The following NWD2 variants were observed in gnomAD, a reference collection of about 807,000 sequenced individuals.
The protein encoded by NWD2 is NACHT and WD repeat domain containing 2.
NWD2 carries 37 observed loss-of-function variants against 132.7 expected under a neutral mutation model. The observed-to-expected ratio is 0.28, with a 90% CI of 0.21 to 0.37. The LOEUF is 0.37. Among genes scored for constraint, NWD2 ranks in the 10% least tolerant of loss-of-function variants. The pLI is 1.00. For synonymous variants in NWD2, 705 were observed against 803.0 expected, an observed-to-expected ratio of 0.88 and a Z score of 2.06; for missense variants, 1,592 against 2,122.4, an observed-to-expected ratio of 0.75 and a Z score of 4.91.
chr4:37,392,910 A>G (rs1045868296), intron 3 of NWD2, among the ~76,000 whole-genome samples: 14 of 152,226 alleles, frequency 9.2e-5, no homozygotes, highest in African/African-American at 2.9e-4. Flanking sequence ...TCCAAGGACC[A>G]TGGCAGTCTC....
At chr4:37,338,205 A>G (rs925912315) in intron 2 of NWD2, among the ~76,000 whole-genome samples, 11 of 152,226 alleles carry the variant, frequency 7.2e-5, no homozygotes, top group African/African-American at 2.7e-4. Flanking sequence ...CACATTTTTT[A>G]AATGTCAGAG....
intron 1 of NWD2, among the ~76,000 whole-genome samples, chr4:37,319,110 T>A (rs139602984): frequency 2.0e-4 from 30 of 152,338 alleles, no homozygotes; most frequent in Middle Eastern, 3.4e-3. Flanking sequence ...TAGGTAAGCA[T>A]TCTCTTTTCA....
chr4:37,358,333 G>A (rs1019822959), intron 3 of NWD2, among the ~76,000 whole-genome samples: 3 of 151,868 alleles, frequency 2.0e-5, no homozygotes, highest in African/African-American at 7.3e-5. Context: ...TAAGCCAAAT[G>A]AGAAAAATAC....
intron 1 of NWD2, among the ~76,000 whole-genome samples, chr4:37,280,227 AC>A (rs1420149349): frequency 6.6e-6 from 1 of 152,202 alleles, no homozygotes; most frequent in Non-Finnish European, 1.5e-5. Flanking sequence ...AAACCAAAAC[AC>A]TTCTAATATT....
rs145017736 is a variant in NWD2, at chr4:37,304,549, A to T, written c.152-21387A>T. 9.4e-4 allele frequency among the ~76,000 whole-genome samples: 139 copies of T among 147,096 alleles called. 2 individuals carry two copies. The East Asian group carries it at 0.023, about 24-fold the overall frequency. On this transcript the variant is annotated intron_variant, in intron 1 of 6. Coordinates refer to ENST00000309447, the MANE Select transcript of NWD2 (RefSeq NM_001144990.2). Reference sequence around the variant, plus strand: ...AAAAAACAAGTTAGTCACTTCTGGGATACAGTGGGGGTACAGGCATTGGGT... The same window carrying T: ...AAAAAACAAGTTAGTCACTTCTGGGTTACAGTGGGGGTACAGGCATTGGGT...
intron 1 of NWD2, among the ~76,000 whole-genome samples, chr4:37,278,607 T>C (rs1220209264): frequency 1.3e-5 from 2 of 152,210 alleles, no homozygotes; most frequent in African/African-American, 4.8e-5. Flanking sequence ...AAAGCAGTAC[T>C]TGAATCAATC....
At chr4:37,276,491 G>A (rs1718015865) in intron 1 of NWD2, among the ~76,000 whole-genome samples, 1 of 152,196 alleles carries the variant, frequency 6.6e-6, no homozygotes, top group African/African-American at 2.4e-5. Context: ...TACACTGTTG[G>A]TGGGAACATA....
chr4:37,387,749 A>G (rs1577686835), intron 3 of NWD2, among the ~76,000 whole-genome samples: 1 of 134,622 alleles, frequency 7.4e-6, no homozygotes, highest in Non-Finnish European at 1.5e-5. Flanking sequence ...ATCTTGGCTC[A>G]CTGCAACCTC....
At position 37,446,850 on chromosome 4, in the gene NWD2, T is replaced by C. The variant is rs1257989135; in HGVS notation, c.4862T>C (p.Phe1621Ser). 3 of 1,551,656 alleles carry C rather than the reference T, an allele frequency of 1.9e-6. No individual in the cohort carries two copies. Among genetic ancestry groups the C allele is most frequent in the Non-Finnish European group, 2.6e-6 (3 of 1,147,028 alleles). Residue 1621 changes from phenylalanine to serine, a missense_variant, in exon 7 of 7, where the codon TTC (phenylalanine) becomes TCC (serine). By Grantham distance (155) the Phe-to-Ser change is radical. This residue lies in a region of NWD2 where 257 missense variants were observed against 335.0 expected (regional missense o/e 0.77). Coordinates refer to ENST00000309447, the MANE Select transcript of NWD2 (RefSeq NM_001144990.2). This position sits in a 1 kb window ranked among gnomAD's most constrained non-coding sequence, Gnocchi z 6.7. ...TGTTCCCTTTACAAAACACCAACTT[T>C]CCTTGCACTCTCCCAGAGGCACCTG... The part of the protein sequence containing the change: ...GACSLYKTPT[F>S]LALSQRHLNI...
At chr4:37,315,616 G>T (rs964968879) in intron 1 of NWD2, among the ~76,000 whole-genome samples, 18 of 151,884 alleles carry the variant, frequency 1.2e-4, no homozygotes, top group Non-Finnish European at 1.0e-4. Context: ...TATTTAGTTG[G>T]ATATTGTTTT....
chr4:37,306,888 G>T (rs941069218), intron 1 of NWD2, among the ~76,000 whole-genome samples: 2 of 152,090 alleles, frequency 1.3e-5, no homozygotes, highest in Non-Finnish European at 2.9e-5. Flanking sequence ...GCCAGGCGTG[G>T]TGGCACACGC....
rs530039422 is a variant in NWD2 at position 37,311,600 on chromosome 4, T to G, written c.152-14336T>G. Among the ~76,000 whole-genome samples, 46 of 149,022 alleles carry G rather than the reference T, an allele frequency of 3.1e-4. 1 individual carries two copies. The South Asian group carries it at 9.3e-3, about 30-fold the overall frequency. On this transcript the variant is annotated intron_variant, in intron 1 of 6. Transcript: ENST00000309447. ...TTTGTAGGTTGCCTGTTCACTCTGA[T>G]GGTAGTTTCTTTTGCTGTGCAGAAG...
intron 1 of NWD2, among the ~76,000 whole-genome samples, chr4:37,318,020 CTTTT>C (rs71185128): frequency 8.8e-6 from 1 of 113,362 alleles, no homozygotes; most frequent in Admixed American, 8.8e-5. Context: ...TTTTTTCTTT[CTTTT>C]TTTTTTTTTT....
chr4:37,320,033 G>A (rs1017919549), intron 1 of NWD2, among the ~76,000 whole-genome samples: 3 of 152,168 alleles, frequency 2.0e-5, no homozygotes, highest in Non-Finnish European at 4.4e-5. Flanking sequence ...TAGTTTGATA[G>A]GAATAGCATT....
chr4:37,383,511 A>G (rs1387627979), intron 3 of NWD2, among the ~76,000 whole-genome samples: 1 of 152,168 alleles, frequency 6.6e-6, no homozygotes, highest in Non-Finnish European at 1.5e-5. Context: ...GTCTGTTCAC[A>G]TAGAATATGT....
chr4:37,364,373 C>T (rs1440584483), intron 3 of NWD2, among the ~76,000 whole-genome samples: 1 of 152,000 alleles, frequency 6.6e-6, no homozygotes, highest in Non-Finnish European at 1.5e-5. Context: ...CCTGATACCA[C>T]GCATGCGATG....
chr4:37,409,211 C>T (rs755513839), intron 3 of NWD2, among the ~76,000 whole-genome samples: 1 of 151,842 alleles, frequency 6.6e-6, no homozygotes, highest in Admixed American at 6.6e-5. Flanking sequence ...CAAACTCCAC[C>T]AAGCTAAAGG....
rs138142916 is a variant in NWD2 at position 37,442,731 on chromosome 4, A to G, written c.1297-554A>G. On this transcript the variant is annotated intron_variant, in intron 6 of 6. Transcript: ENST00000309447. ...TAAAATTATCTCTAAATCATAAAAG[A>G]TTATATTCAAAGTAATTTCAGTACT... Among the ~76,000 whole-genome samples, 20 of 152,354 alleles carry G rather than the reference A, an allele frequency of 1.3e-4. No homozygotes were observed. The East Asian group carries it at 3.9e-3, about 29-fold the overall frequency.
intron 3 of NWD2, among the ~76,000 whole-genome samples, chr4:37,418,886 A>G (rs1212702530): frequency 1.3e-5 from 2 of 152,062 alleles, no homozygotes; most frequent in East Asian, 1.9e-4. Context: ...GTAAGACGGT[A>G]TCTCATTGTC....
Sources: allele counts gnomAD v4.1 joint callset (sites outside exome capture counted in the v4.1 genomes callset), GRCh38; gene constraint gnomAD v4.1.1; regional missense constraint gnomAD v4.1.1; non-coding constraint Gnocchi (gnomAD v3.1); transcripts MANE v1.5; gene names NCBI Gene and HGNC (gene_info 2026-07-23, HGNC 2026-07-21).